The following NEB variants were observed in gnomAD, a reference collection of about 807,000 sequenced individuals.
NEB encodes nemaline myopathy type 2.
NEB carries 512 observed loss-of-function variants against 952.2 expected under a neutral mutation model. The observed-to-expected ratio is 0.54, with a 90% CI of 0.50 to 0.58. The LOEUF is 0.58. NEB is among the 20% of genes least tolerant of loss of function. The pLI, the probability that NEB is intolerant of heterozygous loss-of-function variation, is 0.00. For missense variants in NEB, 8,428 were observed against 9,231.1 expected, an observed-to-expected ratio of 0.91 and a Z score of 3.56; for synonymous variants, 2,900 against 3,149.8, an observed-to-expected ratio of 0.92 and a Z score of 2.66.
At chr2:151,557,690 A>G (rs9750717) in intron 124 of NEB, among the ~76,000 whole-genome samples, 42,732 of 152,126 alleles carry the variant, frequency 0.28, 6,253 homozygotes, top group East Asian at 0.44. Flanking sequence ...CAGCTTCATC[A>G]CTGGGATGCA....
At chr2:151,498,573 G>T (rs192031676) in intron 169 of NEB, among the ~76,000 whole-genome samples, 1 of 152,212 alleles carries the variant, frequency 6.6e-6, no homozygotes, top group Non-Finnish European at 1.5e-5. Context: ...GGAAAAGAAA[G>T]GTTGTTATTT....
intron 150 of NEB, 108 bp from the exon 151 acceptor site, chr2:151,525,381 G>T: frequency 1.3e-6 from 1 of 794,162 alleles, no homozygotes; most frequent in Non-Finnish European, 2.1e-6. Context: ...CCATTTTGGC[G>T]TCAGTCTGGG....
In NEB at chr2:151,696,662, T is replaced by G. The variant is rs368150737; in HGVS notation, c.1544A>C (p.Gln515Pro). ...GTCACTCAGTTGTTTGGAATTGACT[T>G]GGGCTTGTAGCAGAACAGGAGAGTC... The part of the protein sequence containing the change: ...VTDSPVLLQA[Q>P]VNSKQLSDLN... The change falls in exon 17 of 182, where the codon CAA becomes CCA. Residue 515 changes from glutamine (Q) to proline (P), a missense_variant. Gln to Pro is a moderately conservative substitution (Grantham distance 76). Around this residue, in one of 11 missense-constraint regions of NEB, gnomAD observed 2,851 missense variants for 2,791.5 expected, o/e 1.02. Coordinates refer to ENST00000397345, the MANE Select transcript of NEB (RefSeq NM_001164508.2). 6.2e-7 allele frequency: 1 copy of G among 1,613,756 alleles called. No individual in the cohort carries two copies. The highest frequency in any genetic ancestry group is 8.5e-7 in the Non-Finnish European group (1 of 1,179,700).
chr2:151,678,742 G>A (rs190503847), intron 32 of NEB, among the ~76,000 whole-genome samples: 1 of 152,220 alleles, frequency 6.6e-6, no homozygotes, highest in African/African-American at 2.4e-5. Context: ...TCAGAGATAT[G>A]TGGAGGGCAC....
intron 20 of NEB, among the ~76,000 whole-genome samples, chr2:151,693,261 G>A (rs1258056903): frequency 6.6e-6 from 1 of 151,906 alleles, no homozygotes; most frequent in African/African-American, 2.4e-5. Context: ...TTTTTTGTTT[G>A]ATTTCCAACT....
intron 173 of NEB, 44 bp downstream of exon 173, chr2:151,496,232 T>C (rs2060083044): frequency 6.7e-7 from 1 of 1,483,824 alleles, no homozygotes; most frequent in Non-Finnish European, 9.2e-7. Context: ...ATAAAAGTAG[T>C]TTTTAAAATC....
intron 138 of NEB, among the ~76,000 whole-genome samples, chr2:151,538,670 T>C (rs975998359): frequency 1.3e-5 from 2 of 151,762 alleles, no homozygotes; most frequent in African/African-American, 4.8e-5. Context: ...ACAAACAACA[T>C]TGTTGAGCCC....
chr2:151,547,228 C>G (rs1435572112), intron 133 of NEB, among the ~76,000 whole-genome samples: 1 of 152,130 alleles, frequency 6.6e-6, no homozygotes, highest in Non-Finnish European at 1.5e-5. Context: ...CTGTCTTCCC[C>G]AGGTGGTCCT....
chr2:151,683,978 C>A (rs2148799776), intron 28 of NEB, among the ~76,000 whole-genome samples: 1 of 152,294 alleles, frequency 6.6e-6, no homozygotes, highest in Non-Finnish European at 1.5e-5. Flanking sequence ...GAGACAAATA[C>A]TGTATGACTT....
At chr2:151,566,987 G>A (rs948452584) in intron 114 of NEB, among the ~76,000 whole-genome samples, 181 bp downstream of exon 114, 2 of 152,094 alleles carry the variant, frequency 1.3e-5, no homozygotes, top group African/African-American at 4.8e-5. Context: ...GCAGTCAGTA[G>A]GCAAACCAAT....
At chr2:151,575,563 G>A (rs2096798447) in intron 107 of NEB, 132 bp downstream of exon 107, 1 of 670,936 alleles carries the variant, frequency 1.5e-6, no homozygotes, top group Non-Finnish European at 2.6e-6. Context: ...CTAGTCAAGG[G>A]GTGACCACAA....
At position 151,665,348 on chromosome 2, in the gene NEB, T is replaced by C; in HGVS notation, c.5223A>G (p.Lys1741=). ...TMEQALNKSN[K]LNMDKRLYTE... is the part of the protein sequence containing the mutation. ...GAGTCCTTACCTTGTCCATGTTCAG[T>C]TTGTTACTCTTGTTAAGTGCCTGTT... Residue 1741 remains lysine (K), a synonymous_variant, in exon 42 of 182, where the codon AAA becomes AAG. Transcript: ENST00000397345. 2 of 1,613,588 alleles carry C rather than the reference T, an allele frequency of 1.2e-6. No individual in the cohort carries two copies. Among genetic ancestry groups the C allele is most frequent in the Non-Finnish European group, 1.7e-6 (2 of 1,179,740 alleles).
At chr2:151,500,659 C>CAAT (rs1204393431) in intron 168 of NEB, among the ~76,000 whole-genome samples, 2 of 143,338 alleles carry the variant, frequency 1.4e-5, no homozygotes, top group Non-Finnish European at 3.0e-5. Context: ...TACAGTGGCA[C>CAAT]AATCACGGCT....
At chr2:151,679,675 C>G in intron 32 of NEB, 46 bp downstream of exon 32, 1 of 797,530 alleles carries the variant, frequency 1.3e-6, no homozygotes, top group South Asian at 1.5e-5. Flanking sequence ...CAAGCCCACC[C>G]ACCCACATTT....
intron 52 of NEB, among the ~76,000 whole-genome samples, chr2:151,652,423 C>A (rs1335341267): frequency 2.0e-5 from 3 of 152,112 alleles, no homozygotes; most frequent in African/African-American, 7.2e-5. Context: ...AAGAGTCTCA[C>A]TACGTTGCCC....
chr2:151,671,261 C>T, intron 37 of NEB, 32 bp from the exon 38 acceptor site: 1 of 1,547,978 alleles, frequency 6.5e-7, no homozygotes, highest in Non-Finnish European at 8.9e-7. Flanking sequence ...TGAGAAGATA[C>T]CCTGGAGAAT....
At chr2:151,494,308 CA>C in intron 173 of NEB, 55 bp from the exon 174 acceptor site, 2 of 1,209,122 alleles carry the variant, frequency 1.7e-6, no homozygotes, top group Non-Finnish European at 1.2e-6. Flanking sequence ...TAACAGTTAC[CA>C]AAAAAGGAAA....
chr2:151,634,392 C>T (rs1265532255), intron 64 of NEB, among the ~76,000 whole-genome samples: 1 of 152,058 alleles, frequency 6.6e-6, no homozygotes, highest in East Asian at 1.9e-4. Context: ...GCCTGTAATC[C>T]CAGCACTTTG....
intron 151 of NEB, 102 bp downstream of exon 151, chr2:151,525,061 A>G: frequency 1.1e-6 from 1 of 889,146 alleles, no homozygotes; most frequent in Non-Finnish European, 1.8e-6. Context: ...TGAAACTACC[A>G]CAGAGGAATT....
Sources: allele counts gnomAD v4.1 joint callset (sites outside exome capture counted in the v4.1 genomes callset), GRCh38; gene constraint gnomAD v4.1.1; regional missense constraint gnomAD v4.1.1; transcripts MANE v1.5; gene names NCBI Gene and HGNC (gene_info 2026-07-23, HGNC 2026-07-21).